Variants in IL20RB observed in about 807,000 individuals in gnomAD.
The protein encoded by IL20RB is interleukin-20 receptor subunit beta.
A neutral mutation model predicts 33.3 loss-of-function variants in IL20RB; 21 were observed. That is an observed-to-expected ratio of 0.63 (90% CI 0.45 to 0.91). IL20RB has a LOEUF of 0.91. Among genes scored for constraint, IL20RB ranks in the 40% least tolerant of loss-of-function variants. The probability of loss-of-function intolerance (pLI) is 0.00; values close to 1 mark genes in which losing one functional copy is unlikely to be tolerated. For missense variants in IL20RB, 345 were observed against 384.8 expected (o/e 0.90, Z 0.86); for synonymous variants, 147 against 146.8 (o/e 1.00, Z -0.01).
At position 136,971,296 on chromosome 3, in the gene IL20RB, A is replaced by G. The variant is rs753408031; in HGVS notation, c.89-9170A>G. Among the ~76,000 whole-genome samples the G allele has an allele frequency of 4.8e-4, 73 of 152,042 alleles. 1 individual carries two copies. Among genetic ancestry groups the G allele is most frequent in the Middle Eastern group, 3.2e-3 (1 of 314 alleles). On this transcript the variant is annotated intron_variant, in intron 1 of 6. Transcript: ENST00000329582. ...TGGGCATGTGCCACCACACCCGGCT[A>G]ATTTTTGTATTTTTAGTAGAGATGG...
chr3:137,002,617 G>GGGTTA (rs1395277460), intron 6 of IL20RB, among the ~76,000 whole-genome samples: 7 of 148,388 alleles, frequency 4.7e-5, no homozygotes, highest in Admixed American at 2.7e-4. Context: ...CTTTTTGATG[G>GGGTTA]TTTTTTTTTT....
At chr3:137,006,147 T>C (rs2107724721) in intron 6 of IL20RB, among the ~76,000 whole-genome samples, 1 of 152,376 alleles carries the variant, frequency 6.6e-6, no homozygotes, top group East Asian at 1.9e-4. Context: ...GTTAGTCTGA[T>C]GGGCTTCCCT....
chr3:136,969,423 G>C (rs1941408147), intron 1 of IL20RB: 1 of 110,812 alleles, frequency 9.0e-6, no homozygotes, highest in African/African-American at 3.7e-5. Context: ...AAGCCGGTCT[G>C]AAAAGCGCAA....
intron 6 of IL20RB, among the ~76,000 whole-genome samples, chr3:137,003,301 G>T (rs1027522995): frequency 6.6e-6 from 1 of 152,150 alleles, no homozygotes; most frequent in African/African-American, 2.4e-5. Flanking sequence ...TTCCAATTCT[G>T]TGAAGAAAGT....
intron 1 of IL20RB, chr3:136,959,329 T>A (rs1941132104): frequency 6.6e-6 from 1 of 152,296 alleles, no homozygotes; most frequent in African/African-American, 2.4e-5. Context: ...CTTCAGTATT[T>A]CCTTCTACGT....
chr3:136,992,103 T>A lies in IL20RB; in HGVS notation c.682+15T>A. Reference sequence around the variant, plus strand: ...GGAGGTGCAAGGTAAGGATGGCTTCTCTGTCCCTGGAGCCCTGCACAGGTG... The same window carrying A: ...GGAGGTGCAAGGTAAGGATGGCTTCACTGTCCCTGGAGCCCTGCACAGGTG... On this transcript the variant is annotated intron_variant, in intron 5 of 6. Transcript: ENST00000329582. 1 of 1,613,492 alleles carries A rather than the reference T, an allele frequency of 6.2e-7. No homozygotes were observed.
At chr3:136,969,927 C>T (rs576367445) in intron 1 of IL20RB, among the ~76,000 whole-genome samples, 1 of 152,102 alleles carries the variant, frequency 6.6e-6, no homozygotes, top group South Asian at 2.1e-4. Context: ...TTGCCCAGCC[C>T]TGAAGATTTT....
chr3:136,963,583 GTCTAT>G (rs1941284243), intron 1 of IL20RB, among the ~76,000 whole-genome samples: 1 of 151,190 alleles, frequency 6.6e-6, no homozygotes, highest in South Asian at 2.1e-4. Flanking sequence ...TTGGTGAAAT[GTCTAT>G]TCATGTCCTT....
intron 4 of IL20RB, 127 bp from the exon 5 acceptor site, chr3:136,991,811 T>C: frequency 1.2e-6 from 1 of 820,866 alleles, no homozygotes; most frequent in Non-Finnish European, 1.9e-6. Context: ...TGTTTCACCA[T>C]GTTGGTCAGG....
chr3:136,991,791 A>C, intron 4 of IL20RB, 147 bp from the exon 5 acceptor site: 1 of 618,024 alleles, frequency 1.6e-6, no homozygotes, highest in Middle Eastern at 4.4e-4. Context: ...TATTTGTAGT[A>C]GAGATGGGGT....
At chr3:136,994,868 C>G (rs1225169185) in intron 5 of IL20RB, among the ~76,000 whole-genome samples, 1 of 152,202 alleles carries the variant, frequency 6.6e-6, no homozygotes, top group Admixed American at 6.5e-5. Context: ...ACGTCCAGCC[C>G]CCAGCATAGT....
chr3:137,008,261 C>T (rs899362603), intron 6 of IL20RB, among the ~76,000 whole-genome samples: 1 of 152,038 alleles, frequency 6.6e-6, no homozygotes, highest in Non-Finnish European at 1.5e-5. Context: ...TCTGAGTCCA[C>T]ACAGGCTCTG....
chr3:136,972,199 A>G (rs117575690), intron 1 of IL20RB, among the ~76,000 whole-genome samples: 1 of 152,088 alleles, frequency 6.6e-6, no homozygotes, highest in East Asian at 1.9e-4. Flanking sequence ...TAGTGTTGTT[A>G]TTTGAGTTTT....
intron 5 of IL20RB, among the ~76,000 whole-genome samples, chr3:136,994,343 G>A (rs1056801867): frequency 2.0e-5 from 3 of 152,100 alleles, no homozygotes; most frequent in Admixed American, 6.5e-5. Context: ...TCCATGATGT[G>A]CTTATTTCAC....
intron 1 of IL20RB, among the ~76,000 whole-genome samples, chr3:136,963,017 A>C (rs1941266665): frequency 6.6e-6 from 1 of 152,204 alleles, no homozygotes; most frequent in Non-Finnish European, 1.5e-5. Flanking sequence ...AGTGAAGAGT[A>C]TATGAGAGCT....
intron 6 of IL20RB, 72 bp downstream of exon 6, chr3:136,995,628 G>A (rs1942112729): frequency 2.1e-6 from 3 of 1,430,738 alleles, no homozygotes; most frequent in Non-Finnish European, 2.0e-6. Context: ...GCTGGGCATG[G>A]GCACATGTTT....
intron 6 of IL20RB, among the ~76,000 whole-genome samples, chr3:137,003,414 A>C (rs564819360): frequency 1.3e-5 from 2 of 152,178 alleles, no homozygotes; most frequent in South Asian, 2.1e-4. Context: ...ATGGAATATT[A>C]TTCCATTTGT....
chr3:137,006,835 TGGA>T (rs1218206962), intron 6 of IL20RB, among the ~76,000 whole-genome samples: 1 of 152,272 alleles, frequency 6.6e-6, no homozygotes, highest in African/African-American at 2.4e-5. Context: ...TGTGATCCTT[TGGA>T]GGAGAAGAGG....
At position 136,958,121 on chromosome 3, in the gene IL20RB, C is replaced by T; in HGVS notation, c.8C>T (p.Thr3Ile). The change falls in exon 1 of 7, where the codon ACT becomes ATT. Residue 3 changes from threonine (T) to isoleucine (I), a missense_variant. Thr to Ile is a moderately conservative substitution (Grantham distance 89). Coordinates refer to ENST00000329582, the MANE Select transcript of IL20RB (RefSeq NM_144717.4). ...TCAAACTGAGTCTACCAAATGCAGA[C>T]TTTCACAATGGTTCTAGAAGAAATC... is the stretch of plus-strand genomic sequence containing the variant. The part of the protein sequence containing the change: MQ[T>I]FTMVLEEIWT... The T allele has an allele frequency of 1.9e-6, 3 of 1,601,890 alleles. No homozygotes were observed. Among genetic ancestry groups the T allele is most frequent in the Non-Finnish European group, 2.6e-6 (3 of 1,169,166 alleles).
Sources: gnomAD v4.1 joint callset for allele counts (sites outside exome capture counted in the v4.1 genomes callset) on GRCh38, gnomAD v4.1.1 for gene constraint, MANE v1.5 for transcripts, NCBI Gene and HGNC (gene_info 2026-07-23, HGNC 2026-07-21) for gene names.